PSD3: variants seen among roughly 807,000 people sequenced by gnomAD.
The protein encoded by PSD3 is pleckstrin and Sec7 domain containing 3.
PSD3 carries 49 observed loss-of-function variants against 105.5 expected under a neutral mutation model. The observed-to-expected ratio is 0.46, with a 90% CI of 0.37 to 0.59. The LOEUF is 0.59. Among genes scored for constraint, PSD3 ranks in the 20% least tolerant of loss-of-function variants. The pLI, the probability that PSD3 is intolerant of heterozygous loss-of-function variation, is 0.00. For missense variants in PSD3, 1,561 were observed against 1,263.8 expected (o/e 1.24, Z -3.57); for synonymous variants, 557 against 457.8 (o/e 1.22, Z -2.77).
upstream of PSD3, among the ~76,000 whole-genome samples, chr8:19,013,894 G>A (rs1827081362): frequency 7.0e-6 from 1 of 142,540 alleles, no homozygotes; most frequent in Non-Finnish European, 1.6e-5. Flanking sequence ...AGGTGGCTGG[G>A]CCTCCGAGGC....
At chr8:18,650,830 C>T (rs904081384) in intron 10 of PSD3, among the ~76,000 whole-genome samples, 1 of 152,168 alleles carries the variant, frequency 6.6e-6, no homozygotes, top group Non-Finnish European at 1.5e-5. Context: ...AAGGCTAGCA[C>T]AGAAACATTC....
At chr8:18,731,790 C>A (rs976092477) in intron 9 of PSD3, among the ~76,000 whole-genome samples, 2 of 152,128 alleles carry the variant, frequency 1.3e-5, no homozygotes, top group South Asian at 4.1e-4. Context: ...TTCCTGGGAA[C>A]ACTTGCCATT....
At chr8:19,053,871 T>C (rs1316450184) in intron 1 of PSD3, among the ~76,000 whole-genome samples, 1 of 152,270 alleles carries the variant, frequency 6.6e-6, no homozygotes, top group Non-Finnish European at 1.5e-5. Flanking sequence ...TAATTATTTG[T>C]ACAAATGAAT....
chr8:18,635,434 T>C (rs1030242367), intron 10 of PSD3, among the ~76,000 whole-genome samples: 1 of 152,146 alleles, frequency 6.6e-6, no homozygotes, highest in Non-Finnish European at 1.5e-5. Flanking sequence ...TATACAACCA[T>C]TGTCTTGTAA....
intron 9 of PSD3, among the ~76,000 whole-genome samples, chr8:18,720,436 C>T (rs970888338): frequency 2.0e-5 from 3 of 152,056 alleles, no homozygotes; most frequent in African/African-American, 7.2e-5. Flanking sequence ...GATGAGCAAT[C>T]TAAGAAACCA....
intron 13 of PSD3, among the ~76,000 whole-genome samples, chr8:18,573,990 G>C (rs1179111202): frequency 6.6e-6 from 1 of 152,148 alleles, no homozygotes; most frequent in African/African-American, 2.4e-5. Context: ...CCTGAGAGGA[G>C]GTGAAAATCA....
At chr8:19,014,348 C>G (rs562772911), upstream of PSD3, 5 of 152,310 alleles carry the variant, frequency 3.3e-5, no homozygotes, top group African/African-American at 1.2e-4. This position sits in a 1 kb window ranked among gnomAD's most constrained non-coding sequence, Gnocchi z 4.9. Context: ...CGAGTCCCCC[C>G]AGGCGCCCCG....
intron 11 of PSD3, among the ~76,000 whole-genome samples, chr8:18,604,034 T>TG (rs1189404553): frequency 3.3e-5 from 5 of 152,166 alleles, no homozygotes; most frequent in African/African-American, 7.2e-5. Context: ...TACTGTCAAG[T>TG]GGGGCATTGC....
intron 2 of PSD3, among the ~76,000 whole-genome samples, chr8:18,878,231 G>T (rs550762715): frequency 6.6e-6 from 1 of 151,648 alleles, no homozygotes; most frequent in South Asian, 2.1e-4. Flanking sequence ...AATTTCTTTA[G>T]ATCATTCAGT....
At chr8:18,544,084 A>G (rs1800303484) in intron 15 of PSD3, among the ~76,000 whole-genome samples, 1 of 151,784 alleles carries the variant, frequency 6.6e-6, no homozygotes, top group African/African-American at 2.4e-5. Context: ...CCATCTTAAG[A>G]CAAAATGAGC....
chr8:18,971,587 TG>T (rs1244558657), intron 1 of PSD3, among the ~76,000 whole-genome samples: 1 of 152,168 alleles, frequency 6.6e-6, no homozygotes, highest in Non-Finnish European at 1.5e-5. Context: ...ACAAGGAGTT[TG>T]AGTCCCGCCT....
At chr8:18,639,520 T>A (rs1807492703) in intron 10 of PSD3, among the ~76,000 whole-genome samples, 1 of 152,100 alleles carries the variant, frequency 6.6e-6, no homozygotes, top group African/African-American at 2.4e-5. Context: ...TGTTTGGAAA[T>A]AAGATGATTA....
intron 1 of PSD3, among the ~76,000 whole-genome samples, chr8:18,966,568 T>TAAA (rs34134930): frequency 7.4e-6 from 1 of 135,942 alleles, no homozygotes; most frequent in Non-Finnish European, 1.6e-5. Flanking sequence ...GAGACTGTCT[T>TAAA]AAAAAAAAAA....
chr8:18,645,907 C>T (rs1460527745), intron 10 of PSD3, among the ~76,000 whole-genome samples: 2 of 152,076 alleles, frequency 1.3e-5, no homozygotes, highest in Admixed American at 1.3e-4. Context: ...GTTGTCTCTA[C>T]CTATGACCCT....
chr8:18,535,861 T>C lies in PSD3; in HGVS notation c.3026A>G (p.His1009Arg). 6.2e-7 allele frequency: 1 copy of C among 1,614,074 alleles called. No individual in the cohort carries two copies. Among genetic ancestry groups the C allele is most frequent in the Non-Finnish European group, 8.5e-7 (1 of 1,179,936 alleles). The change falls in exon 16 of 16, where the codon CAC becomes CGC. Residue 1009 changes from histidine (H) to arginine (R), a missense_variant. Physicochemically the swap from His to Arg is conservative, Grantham distance 29 (BLOSUM62 0). Coordinates refer to ENST00000327040, the MANE Select transcript of PSD3 (RefSeq NM_015310.4). The part of the protein sequence containing the change: ...ESEAAGLKKS[H>R]SSPSLNPDTS... ...ATCCGGGTTCAGCGAAGGACTCGAG[T>C]GCGACTTCTTCAGTCCTGCAGCCTC... is the stretch of plus-strand genomic sequence containing the variant.
intron 1 of PSD3, among the ~76,000 whole-genome samples, chr8:19,061,655 A>G (rs1252023851): frequency 6.6e-6 from 1 of 152,096 alleles, no homozygotes; most frequent in African/African-American, 2.4e-5. Context: ...AAATACAAAA[A>G]TTAGCCAGGT....
intron 11 of PSD3, among the ~76,000 whole-genome samples, chr8:18,619,162 C>A (rs1185535584): frequency 6.6e-6 from 1 of 151,972 alleles, no homozygotes; most frequent in Non-Finnish European, 1.5e-5. Context: ...CTGCATGGAC[C>A]CCCTCTTGAC....
chr8:18,767,624 G>A (rs1287448633), intron 8 of PSD3, among the ~76,000 whole-genome samples: 3 of 152,114 alleles, frequency 2.0e-5, no homozygotes, highest in Admixed American at 2.0e-4. Flanking sequence ...GCGGCCGCCT[G>A]TAACTCCAGC....
chr8:18,654,361 C>T (rs1319881713), intron 10 of PSD3, among the ~76,000 whole-genome samples: 6 of 152,128 alleles, frequency 3.9e-5, no homozygotes, highest in South Asian at 4.2e-4. Flanking sequence ...TCTGTAAACC[C>T]GAGTTCATTG....
Sources: gnomAD v4.1 joint callset for allele counts (sites outside exome capture counted in the v4.1 genomes callset) on GRCh38, gnomAD v4.1.1 for gene constraint, Gnocchi (gnomAD v3.1) non-coding constraint, MANE v1.5 for transcripts, NCBI Gene and HGNC (gene_info 2026-07-23, HGNC 2026-07-21) for gene names.